Variants in PATJ observed in about 807,000 individuals in gnomAD.
PATJ encodes inaD-like protein.
Under a neutral mutation model 224.9 loss-of-function variants are expected in PATJ, and 190 were observed. The observed-to-expected ratio is 0.84, with a 90% CI of 0.75 to 0.95. The LOEUF (loss-of-function observed/expected upper bound fraction) is 0.95, where lower values mean the gene tolerates loss of function less well. Among genes scored for constraint, PATJ ranks in the 40% least tolerant of loss-of-function variants. The pLI, the probability that PATJ is intolerant of heterozygous loss-of-function variation, is 0.00. For missense variants in PATJ, 2,121 were observed against 2,270.3 expected, an observed-to-expected ratio of 0.93 and a Z score of 1.34; for synonymous variants, 769 against 820.3, an observed-to-expected ratio of 0.94 and a Z score of 1.07.
chr1:61,870,336 C>CT (rs1289924861), intron 20 of PATJ, among the ~76,000 whole-genome samples: 1 of 152,148 alleles, frequency 6.6e-6, no homozygotes, highest in African/African-American at 2.4e-5. Context: ...AGTCAAGCTG[C>CT]TTTTCTCTGA....
intron 20 of PATJ, among the ~76,000 whole-genome samples, chr1:61,874,228 G>C (rs1361880087): frequency 6.8e-6 from 1 of 146,536 alleles, no homozygotes; most frequent in African/African-American, 2.5e-5. Context: ...TTTTGAGACA[G>C]TGTCTCTCTG....
intron 26 of PATJ, among the ~76,000 whole-genome samples, chr1:61,919,957 A>G (rs1311650066): frequency 6.6e-6 from 1 of 152,184 alleles, no homozygotes; most frequent in African/African-American, 2.4e-5. Context: ...GTTATTGAGT[A>G]CAGGTTTTTA....
intron 17 of PATJ, among the ~76,000 whole-genome samples, chr1:61,848,386 C>T (rs1570877580): frequency 6.6e-6 from 1 of 152,240 alleles, no homozygotes; most frequent in Middle Eastern, 3.4e-3. Context: ...TCTGACATTA[C>T]TCACAACGGA....
intron 33 of PATJ, among the ~76,000 whole-genome samples, chr1:62,101,691 T>C (rs1230190736): frequency 6.6e-6 from 1 of 152,212 alleles, no homozygotes; most frequent in Non-Finnish European, 1.5e-5. Context: ...AATTGTGGAA[T>C]AAAGGGAGTT....
At chr1:61,780,159 A>G (rs1248095593) in intron 7 of PATJ, among the ~76,000 whole-genome samples, 1 of 152,128 alleles carries the variant, frequency 6.6e-6, no homozygotes, top group Non-Finnish European at 1.5e-5. Context: ...TGTTCATTTT[A>G]TAGACCTTTA....
chr1:61,747,467 A>G (rs1376708167), intron 1 of PATJ, among the ~76,000 whole-genome samples: 2 of 152,184 alleles, frequency 1.3e-5, no homozygotes, highest in African/African-American at 2.4e-5. Context: ...CCATTTGCAA[A>G]TGGTCTGCCT....
At chr1:61,861,041 A>G (rs1217771859) in intron 18 of PATJ, among the ~76,000 whole-genome samples, 1 of 151,260 alleles carries the variant, frequency 6.6e-6, no homozygotes, top group Non-Finnish European at 1.5e-5. Context: ...AAATATATTT[A>G]CAGTACTTAA....
rs773154373 is a variant in PATJ at position 62,116,584 on chromosome 1, C to G, written c.4708C>G (p.Leu1570Val). 11 of 1,614,000 alleles carry G rather than the reference C, an allele frequency of 6.8e-6. No homozygotes were observed. Among genetic ancestry groups the G allele is most frequent in the Non-Finnish European group, 9.3e-6 (11 of 1,179,968 alleles). Reference protein sequence around the residue: ...SDIVKGGAADLDGRLIQGDQI... With the variant: ...SDIVKGGAADVDGRLIQGDQI... Reference sequence around the variant, plus strand: ...CATCGTGAAAGGCGGAGCCGCAGACCTGGATGGGAGATTGATTCAGGGAGA... The same window carrying G: ...CATCGTGAAAGGCGGAGCCGCAGACGTGGATGGGAGATTGATTCAGGGAGA... The change falls in exon 36 of 44, where the codon CTG (leucine) becomes GTG (valine). Residue 1570 changes from leucine (L) to valine (V), a missense_variant. Leu to Val is a conservative substitution (Grantham distance 32, BLOSUM62 1). Transcript: ENST00000642238.
At chr1:61,808,061 G>A (rs1045132837) in intron 13 of PATJ, among the ~76,000 whole-genome samples, 1 of 152,250 alleles carries the variant, frequency 6.6e-6, no homozygotes, top group Non-Finnish European at 1.5e-5. Flanking sequence ...AAACACATCT[G>A]ACTTTACTGA....
At chr1:62,024,763 G>A (rs567769665) in intron 29 of PATJ, among the ~76,000 whole-genome samples, 1 of 151,070 alleles carries the variant, frequency 6.6e-6, no homozygotes, top group Admixed American at 6.6e-5. Flanking sequence ...GGAAGGTGAA[G>A]GAGCCAATTC....
chr1:62,158,933 G>A (rs1415229823), intron 43 of PATJ, among the ~76,000 whole-genome samples: 1 of 150,438 alleles, frequency 6.6e-6, no homozygotes, highest in Non-Finnish European at 1.5e-5. Flanking sequence ...TGGGCGACAA[G>A]AGTGAAACTC....
intron 1 of PATJ, among the ~76,000 whole-genome samples, chr1:61,751,842 TAATAA>T (rs1428245941): frequency 7.6e-5 from 11 of 144,052 alleles, no homozygotes; most frequent in Non-Finnish European, 4.5e-5. Flanking sequence ...ATAATAATAA[TAATAA>T]AATAAAAAAG....
rs552748530 is a variant in PATJ, at chr1:62,086,471, T to C, written c.4377+1823T>C. 3.4e-4 allele frequency among the ~76,000 whole-genome samples: 52 copies of C among 152,226 alleles called. No individual in the cohort carries two copies. The highest frequency in any genetic ancestry group is 6.5e-4 in the Non-Finnish European group (44 of 68,032). ...AGACAATCACTCTTGTTAATGAATA[T>C]GTTTTAAATGAATATTTTGGTATTT... On this transcript the variant is annotated intron_variant, in intron 33 of 43. Transcript: ENST00000642238. The surrounding 1 kb of genome is among the most constrained non-coding windows in gnomAD (Gnocchi z 4.0).
At chr1:61,987,973 C>T (rs971673326) in intron 27 of PATJ, among the ~76,000 whole-genome samples, 15 of 152,096 alleles carry the variant, frequency 9.9e-5, no homozygotes, top group East Asian at 5.8e-4. Flanking sequence ...CCAAGGCGGG[C>T]GGATCACCTG....
chr1:61,749,812 G>T (rs1035217733), intron 1 of PATJ, among the ~76,000 whole-genome samples: 2 of 151,940 alleles, frequency 1.3e-5, no homozygotes, highest in South Asian at 4.2e-4. Context: ...CTGAGTAGCT[G>T]GGAGTACAGG....
At chr1:61,978,328 C>T (rs1013696052) in intron 27 of PATJ, among the ~76,000 whole-genome samples, 3 of 148,358 alleles carry the variant, frequency 2.0e-5, no homozygotes, top group Non-Finnish European at 4.5e-5. Context: ...TGCAATGGTG[C>T]GATCTTGGCT....
chr1:61,982,568 G>A (rs894686924), intron 27 of PATJ, among the ~76,000 whole-genome samples: 5 of 151,972 alleles, frequency 3.3e-5, no homozygotes, highest in African/African-American at 1.2e-4. Context: ...ATATAAGGAG[G>A]TATTGTGACC....
chr1:62,158,485 C>T (rs1250840087), intron 43 of PATJ, among the ~76,000 whole-genome samples: 1 of 148,302 alleles, frequency 6.7e-6, no homozygotes, highest in African/African-American at 2.4e-5. Flanking sequence ...TTTGGGAGGC[C>T]AAGGTGGGCG....
At chr1:62,060,940 C>T (rs1233621281) in intron 31 of PATJ, among the ~76,000 whole-genome samples, 1 of 152,170 alleles carries the variant, frequency 6.6e-6, no homozygotes, top group African/African-American at 2.4e-5. Context: ...GGTTTACCCA[C>T]CTTGGCCTCC....
Sources: gnomAD v4.1 joint callset for allele counts (sites outside exome capture counted in the v4.1 genomes callset) on GRCh38, gnomAD v4.1.1 for gene constraint, Gnocchi (gnomAD v3.1) non-coding constraint, MANE v1.5 for transcripts, NCBI Gene and HGNC (gene_info 2026-07-23, HGNC 2026-07-21) for gene names.